The following DMD variants were observed in gnomAD, a reference collection of about 807,000 sequenced individuals.
DMD encodes dystrophin.
DMD carries 63 observed loss-of-function variants against 330.1 expected under a neutral mutation model. The observed-to-expected ratio is 0.19, with a 90% CI of 0.16 to 0.24. The LOEUF (loss-of-function observed/expected upper bound fraction) is 0.24, where lower values mean the gene tolerates loss of function less well. Among genes scored for constraint, DMD ranks in the 10% least tolerant of loss-of-function variants. The pLI, the probability that DMD is intolerant of heterozygous loss-of-function variation, is 1.00. For missense variants in DMD, 3,344 were observed against 2,684.1 expected, an observed-to-expected ratio of 1.25 and a Z score of -5.43; for synonymous variants, 1,223 against 959.8, an observed-to-expected ratio of 1.27 and a Z score of -5.07.
At chrX:31,355,544 C>T (rs1010376345) in intron 60 of DMD, among the ~76,000 whole-genome samples, 2 of 112,082 alleles carry the variant, frequency 1.8e-5, no homozygotes, top group African/African-American at 6.5e-5. Context: ...GACAGAAACT[C>T]TTGTGCTGTG....
At chrX:32,809,375 A>T in intron 7 of DMD, 118 bp downstream of exon 7, 1 of 591,378 alleles carries the variant, frequency 1.7e-6, no homozygotes, top group Non-Finnish European at 2.9e-6. Flanking sequence ...AAATATATCT[A>T]CAGTATTGGA....
chrX:32,532,894 G>A (rs191212921), intron 17 of DMD, among the ~76,000 whole-genome samples: 18 of 111,694 alleles, frequency 1.6e-4, no homozygotes, highest in Admixed American at 2.8e-4. Flanking sequence ...CATTAGTGCC[G>A]GAATCCCCAA....
At position 32,844,880 on chromosome X, in the gene DMD, G is replaced by C; in HGVS notation, c.187-20C>G. On this transcript the variant is annotated intron_variant, in intron 3 of 78. Coordinates refer to ENST00000357033, the MANE Select transcript of DMD (RefSeq NM_004006.3). ...TTTTGGCTGAGAACAAAACAAAAGA[G>C]TGTTCACTGACCAGCAGAGAGACCG... The C allele has an allele frequency of 8.6e-7, 1 of 1,160,108 alleles. No homozygotes were observed. The highest frequency in any genetic ancestry group is 1.2e-6 in the Non-Finnish European group (1 of 848,451).
intron 44 of DMD, among the ~76,000 whole-genome samples, chrX:32,168,564 CA>C (rs2096876731): frequency 1.1e-5 from 1 of 93,448 alleles, no homozygotes; most frequent in African/African-American, 3.8e-5. Flanking sequence ...AAAAAACCAA[CA>C]AAAAAACTAA....
chrX:32,609,360 T>C (rs2056983101), intron 12 of DMD, among the ~76,000 whole-genome samples: 1 of 111,249 alleles, frequency 9.0e-6, no homozygotes, highest in African/African-American at 3.3e-5. Context: ...AATGGTTTCC[T>C]GTTACTCATA....
intron 38 of DMD, 24 bp downstream of exon 38, chrX:32,348,382 A>G (rs1481764113): frequency 8.3e-7 from 1 of 1,199,156 alleles, no homozygotes; most frequent in Admixed American, 2.2e-5. Context: ...TAGTTCATTC[A>G]CACTTTTATC....
At chrX:32,116,199 C>T (rs1366513557) in intron 44 of DMD, among the ~76,000 whole-genome samples, 1 of 111,219 alleles carries the variant, frequency 9.0e-6, no homozygotes, top group Non-Finnish European at 1.9e-5. Flanking sequence ...GTTTCCTCTG[C>T]CTGGAATGTT....
intron 51 of DMD, among the ~76,000 whole-genome samples, chrX:31,749,413 A>ACG (rs2088236631): frequency 1.0e-5 from 1 of 100,343 alleles, no homozygotes; most frequent in Admixed American, 1.1e-4. Context: ...TTGTTCTTGC[A>ACG]ATAGTTTACT....
intron 44 of DMD, among the ~76,000 whole-genome samples, chrX:32,013,674 T>A (rs1426364977): frequency 1.8e-5 from 2 of 112,148 alleles, no homozygotes; most frequent in Non-Finnish European, 3.8e-5. Flanking sequence ...TCAATTATTC[T>A]GGATCCTGAT....
At chrX:31,585,830 A>T (rs1325240398) in intron 55 of DMD, among the ~76,000 whole-genome samples, 1 of 111,375 alleles carries the variant, frequency 9.0e-6, no homozygotes, top group Non-Finnish European at 1.9e-5. Context: ...CCCTCTCATA[A>T]CTAAATGATT....
At chrX:32,663,084 G>A (rs2061054465) in intron 9 of DMD, among the ~76,000 whole-genome samples, 1 of 111,736 alleles carries the variant, frequency 8.9e-6, no homozygotes, top group African/African-American at 3.3e-5. Context: ...GACAAAAACT[G>A]AAAACCAAAT....
At chrX:32,534,758 C>T (rs765651011) in intron 17 of DMD, among the ~76,000 whole-genome samples, 2 of 111,126 alleles carry the variant, frequency 1.8e-5, no homozygotes, top group South Asian at 3.8e-4. Context: ...TTCATGACCT[C>T]ATCTAAATCA....
At chrX:32,344,623 T>C (rs965679942) in intron 39 of DMD, among the ~76,000 whole-genome samples, 2 of 111,572 alleles carry the variant, frequency 1.8e-5, no homozygotes, top group Admixed American at 1.9e-4. Flanking sequence ...ATAACTCACA[T>C]CTTTGCCAGG....
At chrX:31,891,371 G>A (rs1385969483) in intron 47 of DMD, among the ~76,000 whole-genome samples, 1 of 111,271 alleles carries the variant, frequency 9.0e-6, no homozygotes, top group Non-Finnish European at 1.9e-5. Context: ...AAAAAATCAG[G>A]GCAAAAGTCA....
chrX:31,797,716 T>C (rs1022327403), intron 50 of DMD, among the ~76,000 whole-genome samples: 1 of 111,647 alleles, frequency 9.0e-6, no homozygotes, highest in African/African-American at 3.3e-5. Flanking sequence ...TAAACACTGG[T>C]AGATAAATAT....
intron 64 of DMD, among the ~76,000 whole-genome samples, chrX:31,212,265 T>C (rs749004963): frequency 2.7e-5 from 3 of 109,254 alleles, no homozygotes; most frequent in Middle Eastern, 4.3e-3. Context: ...TTCTAATACA[T>C]CTTCACTTTC....
intron 43 of DMD, among the ~76,000 whole-genome samples, chrX:32,260,292 G>T (rs2097316602): frequency 9.0e-6 from 1 of 111,659 alleles, no homozygotes; most frequent in Non-Finnish European, 1.9e-5. Flanking sequence ...CTGAGTCACT[G>T]TGAAGGAATG....
At chrX:32,562,098 T>TA (rs1317494700) in intron 16 of DMD, among the ~76,000 whole-genome samples, 1 of 112,225 alleles carries the variant, frequency 8.9e-6, no homozygotes, top group Non-Finnish European at 1.9e-5. Flanking sequence ...AGTATGTTTA[T>TA]AAAAAATTAC....
chrX:31,720,513 A>G lies in DMD; in HGVS notation c.7660+9118T>C, dbSNP rs187069608. ...ATGCTAGCCTATAAACATGTAGAGT[A>G]TCTCTTTCTGGGCTCATCTCTGTTT... is the stretch of plus-strand genomic sequence containing the variant. On this transcript the variant is annotated intron_variant, in intron 52 of 78. Transcript: ENST00000357033. Among the ~76,000 whole-genome samples, 14 of 111,926 alleles carry G rather than the reference A, an allele frequency of 1.3e-4. No homozygotes were observed. The East Asian group carries it at 3.9e-3, about 31-fold the overall frequency.
Sources: allele counts gnomAD v4.1 joint callset (sites outside exome capture counted in the v4.1 genomes callset), GRCh38; gene constraint gnomAD v4.1.1; transcripts MANE v1.5; gene names NCBI Gene and HGNC (gene_info 2026-07-23, HGNC 2026-07-21).